The following VPS13C variants were observed in gnomAD, a reference collection of about 807,000 sequenced individuals.
VPS13C encodes vacuolar protein sorting 13 homolog C, also known as intermembrane lipid transfer protein VPS13C.
Under a neutral mutation model 456.8 loss-of-function variants are expected in VPS13C, and 358 were observed. That is an observed-to-expected ratio of 0.78 (90% CI 0.72 to 0.86). The LOEUF is 0.86. Among genes scored for constraint, VPS13C ranks in the 40% least tolerant of loss-of-function variants. The pLI is 0.00. For synonymous variants in VPS13C, 1,578 were observed against 1,486.7 expected, an observed-to-expected ratio of 1.06 and a Z score of -1.41; for missense variants, 4,818 against 4,385.4, an observed-to-expected ratio of 1.10 and a Z score of -2.79.
intron 3 of VPS13C, among the ~76,000 whole-genome samples, chr15:62,037,235 TAA>T (rs1377701135): frequency 3.6e-5 from 2 of 55,154 alleles, no homozygotes; most frequent in South Asian, 4.2e-4. Context: ...ATATTATATA[TAA>T]ATATATATAA....
At chr15:61,963,532 C>T (rs2045282575) in intron 32 of VPS13C, among the ~76,000 whole-genome samples, 1 of 151,992 alleles carries the variant, frequency 6.6e-6, no homozygotes, top group South Asian at 2.1e-4. Flanking sequence ...CACCTAAAAT[C>T]TAGACTGACA....
chr15:61,998,114 G>C (rs1376039443), intron 16 of VPS13C, among the ~76,000 whole-genome samples: 4 of 152,112 alleles, frequency 2.6e-5, no homozygotes, highest in Admixed American at 2.6e-4. Flanking sequence ...GAATGAGCCA[G>C]GTATGTTCCA....
At position 61,962,803 on chromosome 15, in the gene VPS13C, G is replaced by A; in HGVS notation, c.3381C>T (p.Ala1127=). Reference sequence around the variant, plus strand: ...CTGTGACAATAATATTTTCTAGTCGGGCAAAAAGTGACTGCTTTCTTGACT... The same window carrying A: ...CTGTGACAATAATATTTTCTAGTCGAGCAAAAAGTGACTGCTTTCTTGACT... ...SLQSRKQSLF[A]RLENIIVTDV... Residue 1127 remains alanine, a synonymous_variant, in exon 33 of 85, where the codon GCC becomes GCT. Coordinates refer to ENST00000644861, the MANE Select transcript of VPS13C (RefSeq NM_020821.3). 1 of 1,606,620 alleles carries A rather than the reference G, an allele frequency of 6.2e-7. No individual in the cohort carries two copies. The highest frequency in any genetic ancestry group is 8.5e-7 in the Non-Finnish European group (1 of 1,175,616).
intron 3 of VPS13C, among the ~76,000 whole-genome samples, chr15:62,037,310 A>AT (rs2048068158): frequency 1.5e-5 from 1 of 67,818 alleles, no homozygotes; most frequent in Non-Finnish European, 2.6e-5. Flanking sequence ...ATATATATAT[A>AT]AATATATTAT....
In VPS13C at chr15:61,867,054, ATTATTT is replaced by A. The variant is rs1894644643; in HGVS notation, c.10863+1599_10863+1604del. 3 of 922,822 alleles carry A rather than the reference ATTATTT, an allele frequency of 3.3e-6. No homozygotes were observed. The highest frequency in any genetic ancestry group is 3.9e-6 in the Non-Finnish European group (3 of 772,706). The allele number at this position is 922,822 out of a possible 1,614,324, so 57.2% of individuals were successfully genotyped here. A position where few individuals can be genotyped will look rare whatever the true frequency, so the allele number is the denominator to read the frequency against. ...ACTAATTTCAAAAATAATGATTATAATTATTTTTTCTCTAAGATAATAAACCCTCTC... is the reference window on the plus strand; with the variant it reads ...ACTAATTTCAAAAATAATGATTATAATTTCTCTAAGATAATAAACCCTCTC... On this transcript the variant is annotated intron_variant, in intron 81 of 84. Transcript: ENST00000644861. The surrounding 1 kb of genome is among the most constrained non-coding windows in gnomAD (Gnocchi z 5.0).
intron 15 of VPS13C, among the ~76,000 whole-genome samples, chr15:62,006,097 CTTA>C (rs2046831433): frequency 8.3e-6 from 1 of 120,556 alleles, no homozygotes; most frequent in Non-Finnish European, 1.8e-5. Flanking sequence ...TAAAGAAATT[CTTA>C]TTTTTTTTTT....
intron 34 of VPS13C, 141 bp from the exon 35 acceptor site, chr15:61,962,034 TAAG>T: frequency 1.0e-6 from 1 of 987,654 alleles, no homozygotes; most frequent in South Asian, 1.8e-5. Flanking sequence ...CTAGCAGTAT[TAAG>T]AAATTACGGA....
In VPS13C at chr15:62,023,815, A is replaced by C. The variant is rs1230592583; in HGVS notation, c.479T>G (p.Phe160Cys). ...ATCAAGACCTTTAAAAGGTTTCTTA[A>C]AATGTTTTTTGTGCTTTTTACGTTT... The part of the protein sequence containing the change: ...GRKRKKHKKH[F>C]KKPFKGLDRS... The change falls in exon 7 of 85, where the codon TTT becomes TGT. Residue 160 changes from phenylalanine to cysteine, a missense_variant. By Grantham distance (205) the Phe-to-Cys change is radical. This residue lies in a region of VPS13C where 4,552 missense variants were observed against 4,130.6 expected (regional missense o/e 1.10). Transcript: ENST00000644861. The C allele has an allele frequency of 3.7e-6, 6 of 1,610,998 alleles. No homozygotes were observed. In the South Asian group the frequency reaches 6.6e-5, roughly 18 times the overall value.
In VPS13C at chr15:61,931,105, T is replaced by C. The variant is rs1189678047; in HGVS notation, c.6023A>G (p.Glu2008Gly). 1.9e-6 allele frequency: 3 copies of C among 1,613,962 alleles called. No individual in the cohort carries two copies. Residue 2008 changes from glutamate to glycine, a missense_variant, in exon 50 of 85, where the codon GAG becomes GGG. Around this residue, in one of 3 missense-constraint regions of VPS13C, gnomAD observed 4,552 missense variants for 4,130.6 expected, o/e 1.10. Transcript: ENST00000644861. ...GCTGACAAACCTCGATGTTGCTCTCTCAATTCCTTCTCTGAGATCATCAAG... is the reference window on the plus strand; with the variant it reads ...GCTGACAAACCTCGATGTTGCTCTCCCAATTCCTTCTCTGAGATCATCAAG... Reference protein sequence around the residue: ...CTLDDLREGIERATSRMIDRK... With the variant: ...CTLDDLREGIGRATSRMIDRK...
intron 1 of VPS13C, 75 bp from the exon 2 acceptor site, chr15:62,044,330 G>T: frequency 4.4e-6 from 4 of 917,844 alleles, no homozygotes; most frequent in Non-Finnish European, 6.4e-6. Flanking sequence ...GTAGTACCAA[G>T]CACTAAGAAA....
intron 83 of VPS13C, 41 bp from the exon 84 acceptor site, chr15:61,854,995 A>G: frequency 6.5e-7 from 1 of 1,537,166 alleles, no homozygotes; most frequent in South Asian, 1.2e-5. Context: ...AATTATTCTG[A>G]GGAAGAAAAA....
intron 35 of VPS13C, among the ~76,000 whole-genome samples, chr15:61,961,129 C>T (rs1218344846): frequency 2.0e-5 from 3 of 151,650 alleles, no homozygotes; most frequent in Non-Finnish European, 4.4e-5. Flanking sequence ...TGGCTCACAC[C>T]TGTAATCCCA....
chr15:62,042,526 C>CA (rs754056541), intron 2 of VPS13C, among the ~76,000 whole-genome samples: 46 of 141,520 alleles, frequency 3.3e-4, no homozygotes, highest in Admixed American at 1.4e-3. Context: ...TTTTTTAGAC[C>CA]AAAAAAAAAA....
chr15:61,931,616 C>T (rs1231405169), intron 49 of VPS13C, among the ~76,000 whole-genome samples: 1 of 144,320 alleles, frequency 6.9e-6, no homozygotes, highest in East Asian at 2.0e-4. Flanking sequence ...TTCGCTCTGT[C>T]GCCCAGGCTG....
Position 61,884,777 on chromosome 15 carries a change from C to A in VPS13C, c.9342-508G>T, listed in dbSNP as rs147896797. Among the ~76,000 whole-genome samples, 3 of 152,118 alleles carry A rather than the reference C, an allele frequency of 2.0e-5. No homozygotes were observed. The East Asian group carries it at 5.8e-4, about 29-fold the overall frequency. ...TAAATGTTCATCTATTAATGGTAAT[C>A]TGTAATGAGCATCTTTAAAAATGCC... On this transcript the variant is annotated intron_variant, in intron 67 of 84. Transcript: ENST00000644861.
At chr15:61,874,228 C>G (rs1238208037) in intron 77 of VPS13C, among the ~76,000 whole-genome samples, 1 of 151,918 alleles carries the variant, frequency 6.6e-6, no homozygotes, top group Non-Finnish European at 1.5e-5. Flanking sequence ...GATACAACAT[C>G]ACAACCAGAT....
intron 49 of VPS13C, among the ~76,000 whole-genome samples, chr15:61,933,507 T>G (rs2044128827): frequency 6.6e-6 from 1 of 152,150 alleles, no homozygotes; most frequent in Admixed American, 6.5e-5. Flanking sequence ...AGTATATTGC[T>G]CACTGCCCAA....
At chr15:61,861,229 G>T (rs1024796056) in intron 82 of VPS13C, among the ~76,000 whole-genome samples, 16 of 152,014 alleles carry the variant, frequency 1.1e-4, no homozygotes, top group African/African-American at 3.9e-4. Flanking sequence ...TCTCAAAAGT[G>T]CTGGGATTAC....
At chr15:62,041,483 T>G in intron 2 of VPS13C, 117 bp from the exon 3 acceptor site, 1 of 929,214 alleles carries the variant, frequency 1.1e-6, no homozygotes, top group Non-Finnish European at 1.6e-6. Flanking sequence ...CCAAATTTTC[T>G]ATATTTGAAT....
Sources: gnomAD v4.1 joint callset for allele counts (sites outside exome capture counted in the v4.1 genomes callset) on GRCh38, gnomAD v4.1.1 for gene constraint, gnomAD v4.1.1 regional missense constraint, Gnocchi (gnomAD v3.1) non-coding constraint, MANE v1.5 for transcripts, NCBI Gene and HGNC (gene_info 2026-07-23, HGNC 2026-07-21) for gene names.